PKD2: variants seen among roughly 807,000 people sequenced by gnomAD.
PKD2 encodes the protein polycystin 2, transient receptor potential cation channel.
A neutral mutation model predicts 105.9 loss-of-function variants in PKD2; 48 were observed. The observed-to-expected ratio is 0.45, with a 90% CI of 0.36 to 0.58. The LOEUF is 0.58. Ranked by LOEUF, PKD2 falls within the 20% of genes least tolerant of loss-of-function variation. PKD2 has a pLI of 0.00. For missense variants in PKD2, 1,078 were observed against 1,255.3 expected, an observed-to-expected ratio of 0.86 and a Z score of 2.13; for synonymous variants, 464 against 481.1, an observed-to-expected ratio of 0.96 and a Z score of 0.46.
intron 2 of PKD2, among the ~76,000 whole-genome samples, chr4:88,024,346 A>G (rs367726841): frequency 1.3e-4 from 19 of 151,444 alleles, no homozygotes; most frequent in Admixed American, 4.0e-4. Flanking sequence ...AATCCCAGCT[A>G]CTTAGGAGGC....
chr4:88,062,493 T>C (rs1327750036), intron 10 of PKD2, among the ~76,000 whole-genome samples: 1 of 152,246 alleles, frequency 6.6e-6, no homozygotes, highest in African/African-American at 2.4e-5. Context: ...AAAAGATTCA[T>C]GAATTCAGGC....
chr4:88,011,326 C>CT (rs559421962), intron 1 of PKD2, among the ~76,000 whole-genome samples: 7,108 of 140,202 alleles, frequency 0.051, 175 homozygotes, highest in South Asian at 0.09. Flanking sequence ...TATTCTTGGG[C>CT]TTTTTTTTTT....
Position 88,046,813 on chromosome 4 carries a change from T to G in PKD2, c.1491T>G (p.Ile497Met). 3.1e-6 allele frequency: 5 copies of G among 1,612,732 alleles called. No individual in the cohort carries two copies. Among genetic ancestry groups the G allele is most frequent in the Non-Finnish European group, 4.2e-6 (5 of 1,178,734 alleles). ...TGGAAGAGATATTGGAAATTCGCAT[T>G]CACAAACTACACTATTTCAGGAGTT... is the stretch of plus-strand genomic sequence containing the variant. ...YVVEEILEIR[I>M]HKLHYFRSFW... Residue 497 changes from isoleucine (I) to methionine (M), a missense_variant, in exon 6 of 15, where the codon ATT (isoleucine) becomes ATG (methionine). Ile to Met is a conservative substitution (Grantham distance 10, BLOSUM62 1). This residue lies in a region of PKD2 where 868 missense variants were observed against 1,067.3 expected (regional missense o/e 0.81). Coordinates refer to ENST00000237596, the MANE Select transcript of PKD2 (RefSeq NM_000297.4).
rs1451471961 is a variant in PKD2, at chr4:88,038,363, C to T, written c.956C>T (p.Pro319Leu). ...IFYENLLLGV[P>L]RIRQLRVRNG... ...TATGAGAACCTGCTGTTAGGGGTTC[C>T]ACGAATACGGCAACTCCGAGTCAGA... Residue 319 changes from proline to leucine, a missense_variant, in exon 4 of 15, where the codon CCA becomes CTA. This residue lies in a region of PKD2 where 868 missense variants were observed against 1,067.3 expected (regional missense o/e 0.81). Transcript: ENST00000237596. 6.2e-7 allele frequency: 1 copy of T among 1,613,918 alleles called. No individual in the cohort carries two copies. The highest frequency in any genetic ancestry group is 1.3e-5 in the African/African-American group (1 of 74,894).
chr4:88,063,645 T>C (rs1473539662), intron 10 of PKD2, among the ~76,000 whole-genome samples: 1 of 151,638 alleles, frequency 6.6e-6, no homozygotes. Context: ...ATAGAAGAAA[T>C]AGCTGAGTGA....
Position 88,046,864 on chromosome 4 carries a change from C to A in PKD2, c.1542C>A (p.Ile514=). 2 of 1,593,178 alleles carry A rather than the reference C, an allele frequency of 1.3e-6. No individual in the cohort carries two copies. The highest frequency in any genetic ancestry group is 1.1e-5 in the South Asian group (1 of 90,590). ...RSFWNCLDVV[I]VVLSVVAIGI... is the part of the protein sequence containing the mutation. ...TCTGGAATTGTCTGGATGTTGTGATCGTTGTGGTAGGTTTGAGAACAACAC... is the reference window on the plus strand; with the variant it reads ...TCTGGAATTGTCTGGATGTTGTGATAGTTGTGGTAGGTTTGAGAACAACAC... Residue 514 remains isoleucine, a synonymous_variant, in exon 6 of 15, where the codon ATC becomes ATA. Coordinates refer to ENST00000237596, the MANE Select transcript of PKD2 (RefSeq NM_000297.4).
At chr4:88,034,664 G>A (rs145196261) in intron 2 of PKD2, among the ~76,000 whole-genome samples, 3,156 of 114,766 alleles carry the variant, frequency 0.027, 44 homozygotes, top group South Asian at 0.057. Context: ...GTGAAACTCC[G>A]TCTCAAAAAA....
chr4:88,052,550 A>C (rs1005406434), intron 7 of PKD2, among the ~76,000 whole-genome samples: 2 of 152,186 alleles, frequency 1.3e-5, no homozygotes, highest in African/African-American at 2.4e-5. Context: ...GATTACAGGC[A>C]TGAGCCACCG....
At chr4:88,050,101 A>C (rs1425191245) in intron 6 of PKD2, among the ~76,000 whole-genome samples, 3 of 150,532 alleles carry the variant, frequency 2.0e-5, no homozygotes, top group Non-Finnish European at 4.4e-5. Flanking sequence ...CAGCCTCCTG[A>C]GTAGCTGGGA....
At chr4:88,036,855 GT>G (rs1377158713) in intron 3 of PKD2, among the ~76,000 whole-genome samples, 1 of 152,156 alleles carries the variant, frequency 6.6e-6, no homozygotes, top group African/African-American at 2.4e-5. Flanking sequence ...CGCCTTTTGT[GT>G]TTTGTCTCTT....
chr4:88,007,683 C>A lies in PKD2; in HGVS notation c.-51C>A, dbSNP rs562972225. ...AAAGGAACATGGCTCCTGAGGCGCA[C>A]AGCGCCGAGCGCGGCGCCGCGCACC... On this transcript the variant is annotated 5_prime_UTR_variant, in exon 1 of 15. Coordinates refer to ENST00000237596, the MANE Select transcript of PKD2 (RefSeq NM_000297.4). 2 of 1,112,426 alleles carry A rather than the reference C, an allele frequency of 1.8e-6. No individual in the cohort carries two copies. The highest frequency in any genetic ancestry group is 1.1e-6 in the Non-Finnish European group (1 of 908,834). 68.9% of individuals were successfully genotyped at this position (1,112,426 alleles called of 1,614,324 possible). A position where few individuals can be genotyped will look rare whatever the true frequency, so the allele number is the denominator to read the frequency against.
At chr4:88,064,555 T>A (rs1272018236) in intron 10 of PKD2, among the ~76,000 whole-genome samples, 1 of 152,122 alleles carries the variant, frequency 6.6e-6, no homozygotes, top group Non-Finnish European at 1.5e-5. Context: ...TCACTTACAG[T>A]GCCGCACTAT....
chr4:88,055,912 A>G (rs1317771536), intron 7 of PKD2, among the ~76,000 whole-genome samples, 174 bp from the exon 8 acceptor site: 3 of 152,098 alleles, frequency 2.0e-5, no homozygotes, highest in East Asian at 1.9e-4. Flanking sequence ...GGAATCATAC[A>G]GTATTTGTCC....
At chr4:88,046,571 T>C (rs886813792) in intron 5 of PKD2, 71 bp from the exon 6 acceptor site, 2 of 915,064 alleles carry the variant, frequency 2.2e-6, no homozygotes, top group African/African-American at 3.2e-5. Context: ...ACAGAACAGA[T>C]GGACATCCAT....
chr4:88,072,993 C>T (rs1721087918), intron 13 of PKD2, among the ~76,000 whole-genome samples: 1 of 146,448 alleles, frequency 6.8e-6, no homozygotes, highest in African/African-American at 2.6e-5. Flanking sequence ...CAAGATTACA[C>T]CATTGCACGC....
chr4:88,071,061 C>CTT (rs139469985), intron 13 of PKD2, among the ~76,000 whole-genome samples: 11 of 147,926 alleles, frequency 7.4e-5, no homozygotes, highest in Middle Eastern at 3.5e-3. Flanking sequence ...TCATAACTTC[C>CTT]TTTTTTTTTT....
intron 9 of PKD2, among the ~76,000 whole-genome samples, chr4:88,059,188 G>A (rs1053479003): frequency 1.3e-5 from 2 of 152,152 alleles, no homozygotes; most frequent in Non-Finnish European, 2.9e-5. Flanking sequence ...AAACAAAGGT[G>A]TGTTCCCTAG....
At chr4:88,019,695 G>C (rs1460269787) in intron 2 of PKD2, 124 bp downstream of exon 2, 3 of 690,896 alleles carry the variant, frequency 4.3e-6, no homozygotes, top group Non-Finnish European at 8.0e-6. Flanking sequence ...TCTTACCTTT[G>C]TTTTTAATTC....
chr4:88,018,196 C>T (rs997426695), intron 1 of PKD2, among the ~76,000 whole-genome samples: 11 of 152,136 alleles, frequency 7.2e-5, no homozygotes, highest in Non-Finnish European at 1.0e-4. Context: ...ACGTATGATG[C>T]GTAACACAGT....
Sources: allele counts gnomAD v4.1 joint callset (sites outside exome capture counted in the v4.1 genomes callset), GRCh38; gene constraint gnomAD v4.1.1; regional missense constraint gnomAD v4.1.1; transcripts MANE v1.5; gene names NCBI Gene and HGNC (gene_info 2026-07-23, HGNC 2026-07-21).